AKIRIN2: variants seen among roughly 807,000 people sequenced by gnomAD.
The protein encoded by AKIRIN2 is akirin-2.
A neutral mutation model predicts 29.3 loss-of-function variants in AKIRIN2; 6 were observed. The observed-to-expected ratio is 0.20, with a 90% CI of 0.11 to 0.40. The LOEUF (loss-of-function observed/expected upper bound fraction) is 0.40. AKIRIN2 is among the 10% of genes least tolerant of loss of function. AKIRIN2 has a pLI of 1.00. For synonymous variants in AKIRIN2, 128 were observed against 117.5 expected (o/e 1.09, Z -0.58); for missense variants, 210 against 276.1 (o/e 0.76, Z 1.70).
chr6:87,697,307 G>GAAA (rs985898940), intron 1 of AKIRIN2, among the ~76,000 whole-genome samples: 7 of 71,596 alleles, frequency 9.8e-5, no homozygotes, highest in African/African-American at 1.8e-4. Flanking sequence ...TTTGTCTCAA[G>GAAA]AAAAAAAAAA....
At chr6:87,680,481 C>T (rs1483508204) in intron 2 of AKIRIN2, among the ~76,000 whole-genome samples, 1 of 151,778 alleles carries the variant, frequency 6.6e-6, no homozygotes, top group Non-Finnish European at 1.5e-5. Flanking sequence ...CTGTGTTAGC[C>T]AGGATGTTCT....
chr6:87,680,531 A>G (rs1163350610), intron 2 of AKIRIN2, among the ~76,000 whole-genome samples: 3 of 151,998 alleles, frequency 2.0e-5, no homozygotes, highest in African/African-American at 7.2e-5. Flanking sequence ...TTGGCCTCCC[A>G]AAGTGCTGGG....
intron 1 of AKIRIN2, chr6:87,700,891 G>C (rs971360736): frequency 2.6e-5 from 4 of 154,604 alleles, no homozygotes; most frequent in Middle Eastern, 5.1e-4. Flanking sequence ...GTTCTTGTGG[G>C]TGATTAATGA....
intron 3 of AKIRIN2, among the ~76,000 whole-genome samples, chr6:87,676,244 C>G (rs1474501071): frequency 6.6e-6 from 1 of 151,416 alleles, no homozygotes; most frequent in East Asian, 1.9e-4. Flanking sequence ...GCGGGCGGAT[C>G]ACAAGGTCAG....
In AKIRIN2 at chr6:87,675,481, G is replaced by A. The variant is rs896997205; in HGVS notation, c.*116C>T. ...CTAAGAGTGGTTGCCACTGACGAAAGCTTGAAATAACCTGTATTCACAGAA... is the reference window on the plus strand; with the variant it reads ...CTAAGAGTGGTTGCCACTGACGAAAACTTGAAATAACCTGTATTCACAGAA... On this transcript the variant is annotated 3_prime_UTR_variant, in exon 5 of 5. Transcript: ENST00000257787. 9.6e-6 allele frequency: 14 copies of A among 1,452,018 alleles called. No homozygotes were observed. Among genetic ancestry groups the A allele is most frequent in the Non-Finnish European group, 1.3e-5 (14 of 1,042,618 alleles). The allele number at this position is 1,452,018 out of a possible 1,614,324, so 89.9% of individuals were successfully genotyped here.
At chr6:87,698,684 T>C (rs1771409760) in intron 1 of AKIRIN2, among the ~76,000 whole-genome samples, 1 of 152,198 alleles carries the variant, frequency 6.6e-6, no homozygotes, top group African/African-American at 2.4e-5. Context: ...ATTAGCATAA[T>C]AAAGGCTCTA....
intron 1 of AKIRIN2, among the ~76,000 whole-genome samples, chr6:87,683,898 C>A (rs971158912): frequency 2.0e-5 from 3 of 152,168 alleles, no homozygotes; most frequent in Non-Finnish European, 4.4e-5. Flanking sequence ...GTGTTCCACC[C>A]TCCTCGGTCT....
chr6:87,684,742 A>G (rs1771163633), intron 1 of AKIRIN2, among the ~76,000 whole-genome samples: 1 of 152,208 alleles, frequency 6.6e-6, no homozygotes, highest in Non-Finnish European at 1.5e-5. Context: ...CATCATATGT[A>G]TGTATATATA....
intron 1 of AKIRIN2, among the ~76,000 whole-genome samples, chr6:87,696,807 A>C (rs1485588682): frequency 6.6e-6 from 1 of 151,850 alleles, no homozygotes; most frequent in Non-Finnish European, 1.5e-5. Flanking sequence ...GGAGTTCAAG[A>C]CCAACCTGAC....
At position 87,675,315 on chromosome 6, in the gene AKIRIN2, T is replaced by A; in HGVS notation, c.*282A>T. 2.1e-6 allele frequency: 1 copy of A among 484,196 alleles called. No individual in the cohort carries two copies. Among genetic ancestry groups the A allele is most frequent in the East Asian group, 3.2e-5 (1 of 31,092 alleles). The allele number at this position is 484,196 out of a possible 1,614,324, so 30.0% of individuals were successfully genotyped here. Reference sequence around the variant, plus strand: ...AGGGCATGTTCTAGAATACCAGCTTTAATCCTTTTCAAACATTAATATAAG... The same window carrying A: ...AGGGCATGTTCTAGAATACCAGCTTAAATCCTTTTCAAACATTAATATAAG... On this transcript the variant is annotated 3_prime_UTR_variant, in exon 5 of 5. Transcript: ENST00000257787.
intron 1 of AKIRIN2, among the ~76,000 whole-genome samples, chr6:87,682,605 C>T (rs1451144543): frequency 6.6e-6 from 1 of 152,198 alleles, no homozygotes; most frequent in Non-Finnish European, 1.5e-5. Context: ...CAGACTTCCT[C>T]ACTACACCTC....
Position 87,681,648 on chromosome 6 carries a change from T to A in AKIRIN2, c.351A>T (p.Ala117=). 9.9e-6 allele frequency: 16 copies of A among 1,610,850 alleles called. No individual in the cohort carries two copies. Among genetic ancestry groups the A allele is most frequent in the Non-Finnish European group, 1.2e-5 (14 of 1,179,210 alleles). The change falls in exon 2 of 5, where the codon GCA becomes GCT. Residue 117 remains alanine, a synonymous_variant. Transcript: ENST00000257787. ...PCCTSDAQPH[A]FLLSGPASPG... is the part of the protein sequence containing the mutation. Reference sequence around the variant, plus strand: ...GTGAAGCTGGTCCACTGAGGAGAAATGCATGTGGCTGTGCATCAGAAGTAC... The same window carrying A: ...GTGAAGCTGGTCCACTGAGGAGAAAAGCATGTGGCTGTGCATCAGAAGTAC...
rs1019446978 is a variant in AKIRIN2, at chr6:87,701,689, G to A, written c.-5C>T. ...CAGAGTGGCTCCGCACGCCATGGCC[G>A]GGGGCAGCTGAGGCGCCGGGCTCGG... On this transcript the variant is annotated 5_prime_UTR_variant, in exon 1 of 5. Transcript: ENST00000257787. The A allele has an allele frequency of 2.8e-6, 4 of 1,443,410 alleles. 1 individual carries two copies. The highest frequency in any genetic ancestry group is 1.8e-6 in the Non-Finnish European group (2 of 1,100,808). The allele number at this position is 1,443,410 out of a possible 1,614,324, so 89.4% of individuals were successfully genotyped here.
At position 87,701,799 on chromosome 6, in the gene AKIRIN2, C is replaced by G. The variant is rs1041712594; in HGVS notation, c.-115G>C. 2 of 746,150 alleles carry G rather than the reference C, an allele frequency of 2.7e-6. No homozygotes were observed. The highest frequency in any genetic ancestry group is 3.9e-6 in the Non-Finnish European group (2 of 517,402). The allele number at this position is 746,150 out of a possible 1,614,324, so 46.2% of individuals were successfully genotyped here. ...TCGAGGAGAGCCTACCCGACGGGCTCAGGAGCCAAGCGGGTCGCGGAGCGC... is the reference window on the plus strand; with the variant it reads ...TCGAGGAGAGCCTACCCGACGGGCTGAGGAGCCAAGCGGGTCGCGGAGCGC... On this transcript the variant is annotated 5_prime_UTR_variant, in exon 1 of 5. Coordinates refer to ENST00000257787, the MANE Select transcript of AKIRIN2 (RefSeq NM_018064.4).
intron 1 of AKIRIN2, among the ~76,000 whole-genome samples, chr6:87,684,352 G>C (rs1220526702): frequency 6.6e-6 from 1 of 152,014 alleles, no homozygotes; most frequent in African/African-American, 2.4e-5. Context: ...CAGATACTTA[G>C]GGACATCACT....
At chr6:87,685,947 G>C (rs1771179118) in intron 1 of AKIRIN2, among the ~76,000 whole-genome samples, 1 of 152,162 alleles carries the variant, frequency 6.6e-6, no homozygotes, top group African/African-American at 2.4e-5. Context: ...AGATGCAGTG[G>C]CTCACCCCTT....
In AKIRIN2 at chr6:87,701,520, G is replaced by C; in HGVS notation, c.165C>G (p.Ala55=). 6 of 1,447,702 alleles carry C rather than the reference G, an allele frequency of 4.1e-6. No homozygotes were observed. The South Asian group carries it at 6.9e-5, about 17-fold the overall frequency. The allele number at this position is 1,447,702 out of a possible 1,614,324, so 89.7% of individuals were successfully genotyped here. The change falls in exon 1 of 5, where the codon GCC becomes GCG. Residue 55 remains alanine (A), a synonymous_variant. Transcript: ENST00000257787. The part of the protein sequence containing the change: ...AATAASFSAA[A]ASPQKYLRME... ...TTCGGAGATACTTCTGCGGCGAGGC[G>C]GCCGCAGCGGAGAAGGAGGCGGCGG...
intron 1 of AKIRIN2, among the ~76,000 whole-genome samples, chr6:87,685,900 T>C (rs978627225): frequency 7.2e-5 from 11 of 152,210 alleles, no homozygotes; most frequent in Non-Finnish European, 1.2e-4. Flanking sequence ...TCAGCACCTA[T>C]TCCTTTGGAA....
chr6:87,697,282 C>T (rs1253759432), intron 1 of AKIRIN2, among the ~76,000 whole-genome samples: 2 of 148,848 alleles, frequency 1.3e-5, no homozygotes, highest in African/African-American at 5.0e-5. Context: ...CACTGCACTC[C>T]AGCCTGAGTA....
Sources: gnomAD v4.1 joint callset for allele counts (sites outside exome capture counted in the v4.1 genomes callset) on GRCh38, gnomAD v4.1.1 for gene constraint, MANE v1.5 for transcripts, NCBI Gene and HGNC (gene_info 2026-07-23, HGNC 2026-07-21) for gene names.